The following ATP2B4 variants were observed in gnomAD, a reference collection of about 807,000 sequenced individuals.
ATP2B4 encodes the protein plasma membrane calcium-transporting ATPase 4.
A neutral mutation model predicts 110.3 loss-of-function variants in ATP2B4; 39 were observed. That is an observed-to-expected ratio of 0.35 (90% CI 0.27 to 0.46). The LOEUF (loss-of-function observed/expected upper bound fraction) is 0.46, where lower values mean the gene tolerates loss of function less well. Among genes scored for constraint, ATP2B4 ranks in the 20% least tolerant of loss-of-function variants. The probability of loss-of-function intolerance (pLI) is 1.00; values close to 1 mark genes in which losing one functional copy is unlikely to be tolerated. For synonymous variants in ATP2B4, 538 were observed against 571.7 expected (o/e 0.94, Z 0.84); for missense variants, 1,135 against 1,530.9 (o/e 0.74, Z 4.32).
In ATP2B4 at chr1:203,716,438, A is replaced by G. The variant is rs571903901; in HGVS notation, c.2406+2161A>G. 2.1e-5 allele frequency among the ~76,000 whole-genome samples: 3 copies of G among 145,378 alleles called. 1 individual carries two copies. The highest frequency in any genetic ancestry group is 7.5e-5 in the African/African-American group (3 of 39,868). ...AGGCACCTTCTGCCTAGCACATACC[A>G]AAATTCCAGACTCCCAAAAGGAAAG... On this transcript the variant is annotated intron_variant, in intron 15 of 20. Coordinates refer to ENST00000357681, the MANE Select transcript of ATP2B4 (RefSeq NM_001684.5).
chr1:203,681,712 T>C (rs1279587831), intron 1 of ATP2B4, among the ~76,000 whole-genome samples: 2 of 152,112 alleles, frequency 1.3e-5, no homozygotes, highest in Non-Finnish European at 2.9e-5. Context: ...TGCATCTTTC[T>C]GAGGGGAGAA....
At chr1:203,648,462 T>C (rs1663875949) in intron 1 of ATP2B4, among the ~76,000 whole-genome samples, 1 of 152,130 alleles carries the variant, frequency 6.6e-6, no homozygotes, top group Admixed American at 6.6e-5. Flanking sequence ...GGTGGGCCAC[T>C]TGACACCCCT....
chr1:203,707,295 T>C (rs1665877808), intron 9 of ATP2B4, 72 bp downstream of exon 9: 3 of 1,438,544 alleles, frequency 2.1e-6, no homozygotes, highest in Non-Finnish European at 2.8e-6. Context: ...TAACCTTTAG[T>C]GAAAAGATAA....
At chr1:203,703,367 C>G (rs1008346760) in intron 7 of ATP2B4, among the ~76,000 whole-genome samples, 15 of 152,158 alleles carry the variant, frequency 9.9e-5, no homozygotes, top group African/African-American at 3.6e-4. Flanking sequence ...ATAAACCTAG[C>G]TTGGGACTCT....
At chr1:203,672,593 T>G (rs1045739030) in intron 1 of ATP2B4, among the ~76,000 whole-genome samples, 3 of 152,056 alleles carry the variant, frequency 2.0e-5, no homozygotes, top group South Asian at 4.1e-4. Context: ...AGAGGTGTTA[T>G]GGAGGCGGTG....
chr1:203,639,889 C>A (rs1663575359), intron 1 of ATP2B4, among the ~76,000 whole-genome samples: 1 of 152,188 alleles, frequency 6.6e-6, no homozygotes. Flanking sequence ...CCCTCCAGTT[C>A]CTCCTCCAGT....
chr1:203,652,749 T>A (rs1192796662), intron 1 of ATP2B4, among the ~76,000 whole-genome samples: 1 of 152,202 alleles, frequency 6.6e-6, no homozygotes, highest in Non-Finnish European at 1.5e-5. Context: ...TTTGGGGTGC[T>A]ACAAATGGTG....
At chr1:203,654,175 G>C (rs572990627) in intron 1 of ATP2B4, among the ~76,000 whole-genome samples, 89 of 151,686 alleles carry the variant, frequency 5.9e-4, no homozygotes, top group African/African-American at 2.1e-3. Context: ...GTAAAGACAG[G>C]GTTGCATCAT....
At chr1:203,635,646 G>A (rs1362455111) in intron 1 of ATP2B4, among the ~76,000 whole-genome samples, 1 of 151,402 alleles carries the variant, frequency 6.6e-6, no homozygotes, top group Non-Finnish European at 1.5e-5. Flanking sequence ...GTGAGACCCT[G>A]TCTCAAAAAA....
chr1:203,731,766 C>T (rs1483947054), intron 20 of ATP2B4, among the ~76,000 whole-genome samples: 1 of 145,118 alleles, frequency 6.9e-6, no homozygotes. Context: ...AGGAGAATGG[C>T]TTGAACCCAG....
intron 20 of ATP2B4, among the ~76,000 whole-genome samples, chr1:203,737,115 A>G (rs1666896253): frequency 6.6e-6 from 1 of 152,032 alleles, no homozygotes; most frequent in African/African-American, 2.4e-5. Flanking sequence ...TATCTTCCTC[A>G]TTGTTTACCT....
chr1:203,663,173 C>A (rs1664400109), intron 1 of ATP2B4, among the ~76,000 whole-genome samples: 2 of 152,086 alleles, frequency 1.3e-5, no homozygotes, highest in South Asian at 4.1e-4. Flanking sequence ...TTTGTCCTTC[C>A]TGGTCCTGAT....
rs540214989 is a variant in ATP2B4, at chr1:203,710,820, G to A, written c.1800-57G>A. 4,072 of 1,352,204 alleles carry A rather than the reference G, an allele frequency of 3.0e-3. 25 individuals are homozygous for A. Among genetic ancestry groups the A allele is most frequent in the South Asian group, 6.5e-3 (520 of 80,154 alleles). The allele number at this position is 1,352,204 out of a possible 1,614,324, so 83.8% of individuals were successfully genotyped here. A position where few individuals can be genotyped will look rare whatever the true frequency, so the allele number is the denominator to read the frequency against. On this transcript the variant is annotated intron_variant, in intron 11 of 20. Transcript: ENST00000357681. ...GTTGCCAAAATACCTGTCAATGATTGTAGAAACGTATTGAGTGGGAAGGGA... is the reference window on the plus strand; with the variant it reads ...GTTGCCAAAATACCTGTCAATGATTATAGAAACGTATTGAGTGGGAAGGGA...
chr1:203,689,454 G>A (rs563077144), intron 2 of ATP2B4, among the ~76,000 whole-genome samples: 16 of 152,332 alleles, frequency 1.1e-4, no homozygotes, highest in African/African-American at 3.6e-4. Flanking sequence ...TGGGAAACAA[G>A]GGGAGCCTTG....
chr1:203,672,204 C>A (rs77524387), intron 1 of ATP2B4, among the ~76,000 whole-genome samples: 10,385 of 152,228 alleles, frequency 0.068, 404 homozygotes, highest in South Asian at 0.12. Flanking sequence ...GAGGCCGCAC[C>A]TTCCCTTTTG....
rs1663209579 is a variant in ATP2B4 at position 203,629,836 on chromosome 1, CT to C, written c.-465+2618del. Among the ~76,000 whole-genome samples, 1 of 152,208 alleles carries C rather than the reference CT, an allele frequency of 6.6e-6. No individual in the cohort carries two copies. The highest frequency in any genetic ancestry group is 2.4e-5 in the African/African-American group (1 of 41,456). On this transcript the variant is annotated intron_variant, in intron 1 of 20. Transcript: ENST00000357681. This position sits in a 1 kb window ranked among gnomAD's most constrained non-coding sequence, Gnocchi z 4.6. ...CAAAGGAGCACAGCCCGTCTTACCCCTGGGACTCCCAGCGCCCAGCACGGAG... is the reference window on the plus strand; with the variant it reads ...CAAAGGAGCACAGCCCGTCTTACCCCGGGACTCCCAGCGCCCAGCACGGAG...
At chr1:203,703,519 G>A in intron 7 of ATP2B4, 133 bp from the exon 8 acceptor site, 1 of 966,586 alleles carries the variant, frequency 1.0e-6, no homozygotes, top group South Asian at 1.7e-5. Context: ...TGGGTTGGAA[G>A]TGGTCGGAAC....
At chr1:203,637,384 C>A (rs569382763) in intron 1 of ATP2B4, among the ~76,000 whole-genome samples, 1 of 142,048 alleles carries the variant, frequency 7.0e-6, no homozygotes, top group Non-Finnish European at 1.5e-5. Context: ...TGCAGTGAGC[C>A]GAGATCGCAC....
chr1:203,634,300 CTTCT>C (rs1437065764), intron 1 of ATP2B4, among the ~76,000 whole-genome samples: 4 of 152,144 alleles, frequency 2.6e-5, no homozygotes, highest in Non-Finnish European at 4.4e-5. Context: ...AGAAACATTC[CTTCT>C]GTCTACTGAA....
Sources: gnomAD v4.1 joint callset for allele counts (sites outside exome capture counted in the v4.1 genomes callset) on GRCh38, gnomAD v4.1.1 for gene constraint, Gnocchi (gnomAD v3.1) non-coding constraint, MANE v1.5 for transcripts, NCBI Gene and HGNC (gene_info 2026-07-23, HGNC 2026-07-21) for gene names.